FER: variants seen among roughly 807,000 people sequenced by gnomAD.
The protein encoded by FER is tyrosine-protein kinase Fer.
Under a neutral mutation model 111.0 loss-of-function variants are expected in FER, and 63 were observed. The ratio of observed to expected loss-of-function variants is 0.57; its 90% CI spans 0.46 to 0.70. FER has a LOEUF of 0.70. Among genes scored for constraint, FER ranks in the 30% least tolerant of loss-of-function variants. FER has a pLI of 0.00. For synonymous variants in FER, 327 were observed against 313.9 expected (o/e 1.04, Z -0.44); for missense variants, 914 against 954.0 (o/e 0.96, Z 0.55).
At chr5:108,866,352 G>A (rs539243064) in intron 5 of FER, among the ~76,000 whole-genome samples, 4 of 152,150 alleles carry the variant, frequency 2.6e-5, no homozygotes, top group South Asian at 4.2e-4. Flanking sequence ...ACTAAACACC[G>A]CGTGTTCTCA....
At chr5:108,842,672 G>A (rs1345720985) in intron 5 of FER, 1 of 152,136 alleles carries the variant, frequency 6.6e-6, no homozygotes, top group Non-Finnish European at 1.5e-5. Flanking sequence ...TCAGGGAAAT[G>A]CAAATCAAAA....
intron 16 of FER, among the ~76,000 whole-genome samples, chr5:109,066,965 G>A (rs909001774): frequency 3.3e-5 from 5 of 152,182 alleles, no homozygotes; most frequent in African/African-American, 1.2e-4. Context: ...ACATCATCTG[G>A]AGGTGACATT....
chr5:108,947,528 C>T (rs1757145812), intron 11 of FER, among the ~76,000 whole-genome samples: 2 of 151,892 alleles, frequency 1.3e-5, no homozygotes, highest in East Asian at 1.9e-4. Context: ...ATATTCTTTG[C>T]ACATTTTAAA....
intron 3 of FER, among the ~76,000 whole-genome samples, chr5:108,806,148 A>G (rs1364290365): frequency 6.6e-6 from 1 of 152,184 alleles, no homozygotes; most frequent in Non-Finnish European, 1.5e-5. Context: ...GGGCCAAGGT[A>G]TAGCTTGGGC....
At chr5:108,814,768 T>C (rs1758111750) in intron 3 of FER, among the ~76,000 whole-genome samples, 1 of 152,208 alleles carries the variant, frequency 6.6e-6, no homozygotes, top group Non-Finnish European at 1.5e-5. Context: ...TCACTCAAGA[T>C]GGAATCACTC....
intron 13 of FER, among the ~76,000 whole-genome samples, chr5:109,034,578 C>G (rs184739267): frequency 6.6e-6 from 1 of 152,058 alleles, no homozygotes; most frequent in Non-Finnish European, 1.5e-5. Flanking sequence ...GACATGGCTT[C>G]TTTTCTTAAC....
At chr5:108,780,764 A>T (rs1189871393) in intron 2 of FER, among the ~76,000 whole-genome samples, 1 of 151,124 alleles carries the variant, frequency 6.6e-6, no homozygotes, top group African/African-American at 2.4e-5. Context: ...TTCCCATTAC[A>T]TGTATGTTAC....
At chr5:108,777,234 A>G (rs559662451) in intron 2 of FER, among the ~76,000 whole-genome samples, 2 of 152,330 alleles carry the variant, frequency 1.3e-5, no homozygotes, top group East Asian at 1.9e-4. Context: ...TTTGCTCCCA[A>G]TCTGTAGCTG....
At chr5:109,059,339 A>G (rs62375527) in intron 16 of FER, among the ~76,000 whole-genome samples, 14,450 of 150,294 alleles carry the variant, frequency 0.096, 912 homozygotes, top group Middle Eastern at 0.14. Context: ...CCTGGCCAAC[A>G]TGGTGAAACC....
At chr5:108,992,449 C>T (rs1426045586) in intron 13 of FER, among the ~76,000 whole-genome samples, 5 of 150,948 alleles carry the variant, frequency 3.3e-5, no homozygotes, top group African/African-American at 9.7e-5. Flanking sequence ...CCAGTAGGGG[C>T]GGCAGGGCAG....
chr5:108,794,412 T>C (rs765431266), intron 2 of FER, among the ~76,000 whole-genome samples: 9 of 151,894 alleles, frequency 5.9e-5, no homozygotes, highest in African/African-American at 9.7e-5. Context: ...AGAGACAGGG[T>C]TTCACCATGT....
chr5:109,051,478 G>C, intron 16 of FER: 1 of 1,613,080 alleles, frequency 6.2e-7, no homozygotes, highest in Middle Eastern at 1.7e-4. Flanking sequence ...GTGGGAGTTA[G>C]AGATGGTGCT....
chr5:109,030,526 GC>G (rs1056302012), intron 13 of FER, among the ~76,000 whole-genome samples: 78 of 152,124 alleles, frequency 5.1e-4, no homozygotes, highest in African/African-American at 1.7e-3. Context: ...AATTTTTAGA[GC>G]TTTTTTGGTG....
chr5:109,025,955 T>G (rs919613673), intron 13 of FER, among the ~76,000 whole-genome samples: 2 of 152,214 alleles, frequency 1.3e-5, no homozygotes, highest in African/African-American at 2.4e-5. Context: ...TATTATCACC[T>G]GCATTGCTTC....
intron 13 of FER, among the ~76,000 whole-genome samples, chr5:108,965,217 G>T (rs1759648755): frequency 1.3e-5 from 2 of 152,074 alleles, no homozygotes; most frequent in Admixed American, 1.3e-4. Context: ...GTCGGTCTTG[G>T]ATTTGAGCAC....
intron 17 of FER, among the ~76,000 whole-genome samples, chr5:109,128,145 G>T (rs1220073058): frequency 6.6e-6 from 1 of 151,918 alleles, no homozygotes; most frequent in African/African-American, 2.4e-5. Context: ...CCATGAAAAA[G>T]AAATATATTT....
At chr5:108,849,853 G>A (rs113286767) in intron 5 of FER, among the ~76,000 whole-genome samples, 2 of 152,058 alleles carry the variant, frequency 1.3e-5, no homozygotes, top group Non-Finnish European at 2.9e-5. Context: ...ATGACAGAGA[G>A]AATAATAATA....
At chr5:108,885,798 G>A (rs73781908) in intron 9 of FER, among the ~76,000 whole-genome samples, 3,187 of 151,890 alleles carry the variant, frequency 0.021, 108 homozygotes, top group African/African-American at 0.073. Context: ...AATGGGAATC[G>A]ATGAGCCCTG....
intron 11 of FER, among the ~76,000 whole-genome samples, chr5:108,949,993 A>C (rs1757506286): frequency 6.6e-6 from 1 of 152,156 alleles, no homozygotes; most frequent in Non-Finnish European, 1.5e-5. Context: ...ATAAATGATG[A>C]GTAAGGGAAC....
Sources: gnomAD v4.1 joint callset for allele counts (sites outside exome capture counted in the v4.1 genomes callset) on GRCh38, gnomAD v4.1.1 for gene constraint, MANE v1.5 for transcripts, NCBI Gene and HGNC (gene_info 2026-07-23, HGNC 2026-07-21) for gene names.